The following PCDHA3 variants were observed in gnomAD, a reference collection of about 807,000 sequenced individuals.
PCDHA3 encodes the protein protocadherin alpha 3, also known as protocadherin alpha-3.
Under a neutral mutation model 62.2 loss-of-function variants are expected in PCDHA3, and 41 were observed. That is an observed-to-expected ratio of 0.66 (90% CI 0.51 to 0.86). The LOEUF is 0.86. PCDHA3 is among the 40% of genes least tolerant of loss of function. The probability of loss-of-function intolerance (pLI) is 0.00; values close to 1 mark genes in which losing one functional copy is unlikely to be tolerated. For missense variants in PCDHA3, 1,304 were observed against 1,241.2 expected, an observed-to-expected ratio of 1.05 and a Z score of -0.76; for synonymous variants, 640 against 555.4, an observed-to-expected ratio of 1.15 and a Z score of -2.14.
chr5:140,975,514 C>T (rs549258421), intron 1 of PCDHA3, among the ~76,000 whole-genome samples: 2 of 152,304 alleles, frequency 1.3e-5, no homozygotes, highest in African/African-American at 4.8e-5. Flanking sequence ...TATGCAAAAT[C>T]TGCAGTGGAT....
At chr5:140,807,856 T>G (rs781955377) in intron 1 of PCDHA3, 1 of 1,614,214 alleles carries the variant, frequency 6.2e-7, no homozygotes, top group Non-Finnish European at 8.5e-7. Flanking sequence ...CCGAGTTGAC[T>G]GGCACCGTTC....
intron 1 of PCDHA3, chr5:140,808,205 G>A: frequency 6.2e-7 from 1 of 1,614,254 alleles, no homozygotes; most frequent in Non-Finnish European, 8.5e-7. Context: ...TATTGTGGAA[G>A]TAGAAGACAA....
chr5:140,935,550 C>G (rs1419018426), intron 1 of PCDHA3, among the ~76,000 whole-genome samples: 2 of 152,156 alleles, frequency 1.3e-5, no homozygotes, highest in African/African-American at 4.8e-5. Flanking sequence ...TTTAAAGTAT[C>G]TTGGAAAAGT....
At chr5:140,847,308 C>T (rs1295740719) in intron 1 of PCDHA3, among the ~76,000 whole-genome samples, 2 of 149,754 alleles carry the variant, frequency 1.3e-5, no homozygotes, top group Admixed American at 6.7e-5. Context: ...CTGCAGTAAT[C>T]AAGGACAGAA....
intron 1 of PCDHA3, among the ~76,000 whole-genome samples, chr5:140,889,562 T>C (rs2062274153): frequency 6.6e-6 from 1 of 152,224 alleles, no homozygotes; most frequent in Non-Finnish European, 1.5e-5. Flanking sequence ...TTCAGAATTC[T>C]GCTTTCTGAT....
intron 1 of PCDHA3, chr5:140,835,471 C>G: frequency 6.2e-7 from 1 of 1,613,934 alleles, no homozygotes. Context: ...CCAGAGGACG[C>G]CCAACCAGGT....
intron 1 of PCDHA3, among the ~76,000 whole-genome samples, chr5:140,910,502 G>C (rs182167004): frequency 2.6e-4 from 39 of 152,266 alleles, no homozygotes. Flanking sequence ...CAATCACAAA[G>C]CTCTTCAAGG....
Position 140,841,763 on chromosome 5 carries a change from C to T in PCDHA3, c.2394+38172C>T. The T allele has an allele frequency of 1.9e-6, 3 of 1,613,884 alleles. No individual in the cohort carries two copies. The highest frequency in any genetic ancestry group is 1.3e-5 in the African/African-American group (1 of 74,976). ...GCTGTTTGTTTCAGAATCCAGAATG[C>T]CAGACTCTCGGTTTCCGCTAGAGGG... On this transcript the variant is annotated intron_variant, in intron 1 of 3. Transcript: ENST00000522353.
At chr5:140,830,117 C>G in intron 1 of PCDHA3, 1 of 1,613,510 alleles carries the variant, frequency 6.2e-7, no homozygotes, top group Non-Finnish European at 8.5e-7. Context: ...TGGCCAGGCT[C>G]CAAAGGCGTC....
intron 1 of PCDHA3, among the ~76,000 whole-genome samples, chr5:140,820,649 A>C (rs1413009255): frequency 6.6e-6 from 1 of 152,120 alleles, no homozygotes; most frequent in Non-Finnish European, 1.5e-5. Context: ...GAGATTAAAA[A>C]GTAATTAAAC....
intron 1 of PCDHA3, among the ~76,000 whole-genome samples, chr5:140,954,013 C>T (rs942687934): frequency 6.6e-6 from 1 of 152,172 alleles, no homozygotes; most frequent in African/African-American, 2.4e-5. Context: ...TCAGCTCCCA[C>T]ACATAGTGGG....
intron 1 of PCDHA3, among the ~76,000 whole-genome samples, chr5:140,952,925 G>T (rs144855694): frequency 8.2e-4 from 125 of 152,200 alleles, no homozygotes; most frequent in African/African-American, 2.8e-3. Flanking sequence ...GGCATGAGCA[G>T]GAGCAGGAGC....
intron 1 of PCDHA3, chr5:140,809,192 C>G: frequency 6.2e-7 from 1 of 1,614,052 alleles, no homozygotes; most frequent in Non-Finnish European, 8.5e-7. Flanking sequence ...GCTGGTGTCA[C>G]TTGTGGAGAG....
intron 1 of PCDHA3, chr5:140,823,879 G>T: frequency 6.2e-7 from 1 of 1,613,898 alleles, no homozygotes; most frequent in Non-Finnish European, 8.5e-7. Context: ...CCTGATCATC[G>T]CCATCTGTGC....
At chr5:140,921,676 T>A (rs2080324583) in intron 1 of PCDHA3, among the ~76,000 whole-genome samples, 1 of 152,178 alleles carries the variant, frequency 6.6e-6, no homozygotes, top group South Asian at 2.1e-4. Flanking sequence ...ACAGTTATCA[T>A]CAAACACTGG....
chr5:140,953,075 A>G (rs1208986278), intron 1 of PCDHA3, among the ~76,000 whole-genome samples: 4 of 152,190 alleles, frequency 2.6e-5, no homozygotes, highest in Admixed American at 2.6e-4. Context: ...CATCTCCAAC[A>G]TTGGGGATTA....
At chr5:140,848,364 G>T in intron 1 of PCDHA3, 1 of 1,077,714 alleles carries the variant, frequency 9.3e-7, no homozygotes, top group South Asian at 1.6e-5. Flanking sequence ...CCATGGGAAA[G>T]AGGCTCAATT....
At chr5:140,829,444 T>G (rs1554131961) in intron 1 of PCDHA3, 1 of 1,613,940 alleles carries the variant, frequency 6.2e-7, no homozygotes, top group Non-Finnish European at 8.5e-7. Context: ...TGAATGACAA[T>G]GCTCCGGCGT....
At chr5:140,962,076 G>A (rs2095654806) in intron 1 of PCDHA3, among the ~76,000 whole-genome samples, 1 of 151,758 alleles carries the variant, frequency 6.6e-6, no homozygotes. Flanking sequence ...TAGTAGAGAC[G>A]GGGTTTCACC....
Sources: allele counts gnomAD v4.1 joint callset (sites outside exome capture counted in the v4.1 genomes callset), GRCh38; gene constraint gnomAD v4.1.1; transcripts MANE v1.5; gene names NCBI Gene and HGNC (gene_info 2026-07-23, HGNC 2026-07-21).